Variants in ST3GAL2 observed in about 807,000 individuals in gnomAD.
ST3GAL2 encodes the protein CMP-N-acetylneuraminate-beta-galactosamide-alpha-2,3-sialyltransferase 2.
In ST3GAL2, 16 loss-of-function variants were observed where a neutral mutation model predicts 37.5. The ratio of observed to expected loss-of-function variants is 0.43; its 90% confidence interval spans 0.29 to 0.65. The LOEUF (loss-of-function observed/expected upper bound fraction) is 0.65. ST3GAL2 is among the 30% of genes least tolerant of loss of function. The pLI, the probability that ST3GAL2 is intolerant of heterozygous loss-of-function variation, is 0.17. For missense variants in ST3GAL2, 383 were observed against 487.8 expected, an observed-to-expected ratio of 0.79 and a Z score of 2.02; for synonymous variants, 238 against 202.9, an observed-to-expected ratio of 1.17 and a Z score of -1.47.
chr16:70,414,050 T>C (rs1474582647), intron 1 of ST3GAL2, among the ~76,000 whole-genome samples: 1 of 152,204 alleles, frequency 6.6e-6, no homozygotes, highest in Non-Finnish European at 1.5e-5. Flanking sequence ...GAGGCGTACA[T>C]GAATATATTT....
Position 70,429,588 on chromosome 16 carries a change from C to CAAAAAAAAAAA in ST3GAL2, c.-1004+9350_-1004+9360dup, listed in dbSNP as rs1173306093. ...TGGGCAACAGAGCAAGACTCTGTCT[C>CAAAAAAAAAAA]AAAAAAAAAAAAAAAAAAAAGAGTG... On this transcript the variant is annotated intron_variant, in intron 1 of 6. Transcript: ENST00000342907. 3.1e-4 allele frequency among the ~76,000 whole-genome samples: 11 copies of CAAAAAAAAAAA among 36,062 alleles called. 1 individual carries two copies. The highest frequency in any genetic ancestry group is 9.6e-4 in the African/African-American group (10 of 10,404). 23.7% of individuals were successfully genotyped at this position (36,062 alleles called of 152,430 possible).
At chr16:70,423,205 T>C (rs1308757282) in intron 1 of ST3GAL2, 5 of 152,320 alleles carry the variant, frequency 3.3e-5, no homozygotes, top group Non-Finnish European at 7.3e-5. Flanking sequence ...AGGGACCATT[T>C]GCCATAAAAA....
intron 1 of ST3GAL2, among the ~76,000 whole-genome samples, chr16:70,415,395 G>C (rs1021830723): frequency 1.3e-5 from 2 of 152,212 alleles, no homozygotes; most frequent in Admixed American, 6.5e-5. Flanking sequence ...CACGGGGAAG[G>C]TCACAAGAAA....
Position 70,381,592 on chromosome 16 carries a change from G to C in ST3GAL2, c.*97C>G. 6.9e-7 allele frequency: 1 copy of C among 1,452,932 alleles called. No homozygotes were observed. The highest frequency in any genetic ancestry group is 9.2e-7 in the Non-Finnish European group (1 of 1,081,418). 90.0% of individuals were successfully genotyped at this position (1,452,932 alleles called of 1,614,324 possible). ...GGCGGGGCACAGCAGACGCCCCTGG[G>C]CTGCAGCATGATTGGTCGCGGGTTG... On this transcript the variant is annotated 3_prime_UTR_variant, in exon 7 of 7. Coordinates refer to ENST00000342907, the MANE Select transcript of ST3GAL2 (RefSeq NM_006927.4).
rs59060353 is a variant in ST3GAL2 at position 70,408,890 on chromosome 16, C to CAAAAAAAAAAAAAAAAAAAAAAAA, written c.-1003-9381_-1003-9358dup. 7.2e-4 allele frequency among the ~76,000 whole-genome samples: 43 copies of CAAAAAAAAAAAAAAAAAAAAAAAA among 59,862 alleles called. 9 individuals are homozygous for CAAAAAAAAAAAAAAAAAAAAAAAA. The highest frequency in any genetic ancestry group is 1.2e-3 in the African/African-American group (23 of 19,308). The allele number at this position is 59,862 out of a possible 152,430, so 39.3% of individuals were successfully genotyped here. ...TCCTGTAGGAGACAGCTCAAAGAAA[C>CAAAAAAAAAAAAAAAAAAAAAAAA]AAAAAAAAAAAAAAAAAAAAAAAAA... On this transcript the variant is annotated intron_variant, in intron 1 of 6. Transcript: ENST00000342907.
rs919441481 is a variant in ST3GAL2 at position 70,378,568 on chromosome 16, G to T, written c.*3121C>A. 2.0e-5 allele frequency: 3 copies of T among 151,582 alleles called. No individual in the cohort carries two copies. Among genetic ancestry groups the T allele is most frequent in the Non-Finnish European group, 4.4e-5 (3 of 68,026 alleles). The allele number at this position is 151,582 out of a possible 1,614,324, so 9.4% of individuals were successfully genotyped here. A position where few individuals can be genotyped will look rare whatever the true frequency, so the allele number is the denominator to read the frequency against. On this transcript the variant is annotated 3_prime_UTR_variant, in exon 7 of 7. Transcript: ENST00000342907. ...ATACAAAAAAACTGCCGGGCATCGT[G>T]GCGGTCACCTGTAGTCTCAGCTACT... is the stretch of plus-strand genomic sequence containing the variant.
chr16:70,435,671 G>A (rs555785333), intron 1 of ST3GAL2, among the ~76,000 whole-genome samples: 101 of 149,734 alleles, frequency 6.7e-4, no homozygotes, highest in African/African-American at 2.4e-3. Flanking sequence ...GTGCATGCCT[G>A]TAATCCCAGC....
At chr16:70,419,775 C>G (rs893023279) in intron 1 of ST3GAL2, among the ~76,000 whole-genome samples, 9 of 152,186 alleles carry the variant, frequency 5.9e-5, no homozygotes, top group Non-Finnish European at 8.8e-5. Context: ...TCATCAGCCC[C>G]AGTCATGGAC....
chr16:70,431,985 A>ATTTTT (rs1448666350), intron 1 of ST3GAL2, among the ~76,000 whole-genome samples: 1 of 139,012 alleles, frequency 7.2e-6, no homozygotes, highest in African/African-American at 3.2e-5. Context: ...ATATATATAT[A>ATTTTT]TTTTTTTTTA....
chr16:70,420,357 G>A (rs2047706734), intron 1 of ST3GAL2, among the ~76,000 whole-genome samples: 1 of 152,156 alleles, frequency 6.6e-6, no homozygotes, highest in Non-Finnish European at 1.5e-5. Flanking sequence ...AGTCACATAG[G>A]TGCCAATCAC....
intron 1 of ST3GAL2, among the ~76,000 whole-genome samples, chr16:70,411,038 G>A (rs1228070929): frequency 6.6e-6 from 1 of 152,030 alleles, no homozygotes; most frequent in African/African-American, 2.4e-5. Context: ...ACCAGCTCAG[G>A]TCAATGAGAC....
Position 70,379,011 on chromosome 16 carries a change from A to T in ST3GAL2, c.*2678T>A, listed in dbSNP as rs1012780398. On this transcript the variant is annotated 3_prime_UTR_variant, in exon 7 of 7. Transcript: ENST00000342907. ...AGACTCTGTCTCAATAAATAAATAA[A>T]TTAAATAAATAAAAATGCGGGTTGC... 3.9e-5 allele frequency: 6 copies of T among 152,210 alleles called. No individual in the cohort carries two copies. Among genetic ancestry groups the T allele is most frequent in the African/African-American group, 1.4e-4 (6 of 41,446 alleles). 9.4% of individuals were successfully genotyped at this position (152,210 alleles called of 1,614,324 possible). A position where few individuals can be genotyped will look rare whatever the true frequency, so the allele number is the denominator to read the frequency against.
chr16:70,380,531 C>T lies in ST3GAL2; in HGVS notation c.*1158G>A, dbSNP rs527546929. The T allele has an allele frequency of 5.2e-5, 8 of 152,404 alleles. No homozygotes were observed. Among genetic ancestry groups the T allele is most frequent in the African/African-American group, 1.7e-4 (7 of 41,578 alleles). 9.4% of individuals were successfully genotyped at this position (152,404 alleles called of 1,614,324 possible). A position where few individuals can be genotyped will look rare whatever the true frequency, so the allele number is the denominator to read the frequency against. ...AGCAGCTTCCAGGTGGAACCCCGGCCGCGAGCTTCCCAGCCCTTCTAGAGC... is the reference window on the plus strand; with the variant it reads ...AGCAGCTTCCAGGTGGAACCCCGGCTGCGAGCTTCCCAGCCCTTCTAGAGC... On this transcript the variant is annotated 3_prime_UTR_variant, in exon 7 of 7. Transcript: ENST00000342907.
At chr16:70,423,957 C>T (rs1597574776) in intron 1 of ST3GAL2, among the ~76,000 whole-genome samples, 2 of 151,866 alleles carry the variant, frequency 1.3e-5, no homozygotes, top group South Asian at 2.1e-4. Context: ...ACTCAGGAGG[C>T]TGAGGCGGGA....
rs1208721012 is a variant in ST3GAL2, at chr16:70,399,239, T to TGGCCCC, written c.-715_-710dup. 10 of 398,660 alleles carry TGGCCCC rather than the reference T, an allele frequency of 2.5e-5. No individual in the cohort carries two copies. Among genetic ancestry groups the TGGCCCC allele is most frequent in the African/African-American group, 4.1e-5 (2 of 48,638 alleles). 24.7% of individuals were successfully genotyped at this position (398,660 alleles called of 1,614,324 possible). A position where few individuals can be genotyped will look rare whatever the true frequency, so the allele number is the denominator to read the frequency against. On this transcript the variant is annotated 5_prime_UTR_variant, in exon 2 of 7. Coordinates refer to ENST00000342907, the MANE Select transcript of ST3GAL2 (RefSeq NM_006927.4). ...CTGAGGTGCTGGTCCCTTCTCCTGGTGGCCCCAGCCCCAGCTGCAGTTGCG... is the reference window on the plus strand; with the variant it reads ...CTGAGGTGCTGGTCCCTTCTCCTGGTGGCCCCGGCCCCAGCCCCAGCTGCAGTTGCG...
chr16:70,396,813 G>T (rs1165204314), intron 2 of ST3GAL2, among the ~76,000 whole-genome samples: 2 of 152,136 alleles, frequency 1.3e-5, no homozygotes, highest in East Asian at 3.9e-4. Context: ...CAGATGGCCT[G>T]CAGAGCCTGG....
intron 1 of ST3GAL2, among the ~76,000 whole-genome samples, chr16:70,432,627 G>C (rs976883507): frequency 3.3e-5 from 5 of 152,206 alleles, no homozygotes; most frequent in African/African-American, 1.2e-4. Context: ...GGAGGAAAAA[G>C]CCTGATTTCC....
intron 2 of ST3GAL2, among the ~76,000 whole-genome samples, chr16:70,397,773 A>G (rs2151663507): frequency 6.6e-6 from 1 of 152,208 alleles, no homozygotes; most frequent in East Asian, 1.9e-4. Flanking sequence ...GCCAATGTTC[A>G]TAAATTAGGA....
At chr16:70,381,961 C>T in intron 6 of ST3GAL2, 99 bp from the exon 7 acceptor site, 1 of 1,498,204 alleles carries the variant, frequency 6.7e-7, no homozygotes, top group Admixed American at 1.8e-5. Context: ...CGGGAGGCCC[C>T]GGGGAGATGC....
Sources: gnomAD v4.1 joint callset for allele counts (sites outside exome capture counted in the v4.1 genomes callset) on GRCh38, gnomAD v4.1.1 for gene constraint, MANE v1.5 for transcripts, NCBI Gene and HGNC (gene_info 2026-07-23, HGNC 2026-07-21) for gene names.